Variants in ARHGAP15 observed in about 807,000 individuals in gnomAD.
ARHGAP15 encodes the protein Rho GTPase activating protein 15.
ARHGAP15 carries 51 observed loss-of-function variants against 63.7 expected under a neutral mutation model. That is an observed-to-expected ratio of 0.80 (90% confidence interval 0.64 to 1.01). The LOEUF (loss-of-function observed/expected upper bound fraction) is 1.01. Among genes scored for constraint, ARHGAP15 ranks in the 50% least tolerant of loss-of-function variants. ARHGAP15 has a pLI of 0.00. For synonymous variants in ARHGAP15, 191 were observed against 193.8 expected, an observed-to-expected ratio of 0.99 and a Z score of 0.12; for missense variants, 560 against 564.6, an observed-to-expected ratio of 0.99 and a Z score of 0.08.
intron 6 of ARHGAP15, among the ~76,000 whole-genome samples, chr2:143,373,936 T>C (rs1321525230): frequency 6.6e-6 from 1 of 152,178 alleles, no homozygotes; most frequent in Admixed American, 6.6e-5. Flanking sequence ...ACATGAAACA[T>C]CCTGTGGACC....
At chr2:143,289,251 C>G (rs1682270736) in intron 6 of ARHGAP15, among the ~76,000 whole-genome samples, 1 of 152,118 alleles carries the variant, frequency 6.6e-6, no homozygotes, top group Admixed American at 6.6e-5. Context: ...TATGACAAAC[C>G]AAATTGGAAC....
At chr2:143,462,172 T>C (rs1017031455) in intron 8 of ARHGAP15, among the ~76,000 whole-genome samples, 2 of 152,026 alleles carry the variant, frequency 1.3e-5, no homozygotes, top group East Asian at 1.9e-4. Context: ...TAAAATAAAA[T>C]AGACTTATTA....
chr2:143,623,358 C>T (rs1173912342), intron 11 of ARHGAP15, among the ~76,000 whole-genome samples: 1 of 152,184 alleles, frequency 6.6e-6, no homozygotes, highest in Admixed American at 6.5e-5. Flanking sequence ...TTCAACATCT[C>T]CACTCACTCA....
chr2:143,496,483 A>C (rs1258161865), intron 9 of ARHGAP15, among the ~76,000 whole-genome samples: 2 of 152,172 alleles, frequency 1.3e-5, no homozygotes, highest in Non-Finnish European at 2.9e-5. Flanking sequence ...TTATTTTCTT[A>C]TGGGGACAGA....
At chr2:143,302,031 T>G (rs1265803731) in intron 6 of ARHGAP15, among the ~76,000 whole-genome samples, 1 of 151,908 alleles carries the variant, frequency 6.6e-6, no homozygotes, top group Non-Finnish European at 1.5e-5. Flanking sequence ...AATAGGACAG[T>G]GTTTTGTTTT....
At chr2:143,329,904 C>T (rs1330049307) in intron 6 of ARHGAP15, among the ~76,000 whole-genome samples, 1 of 141,868 alleles carries the variant, frequency 7.0e-6, no homozygotes, top group Non-Finnish European at 1.5e-5. Context: ...AATTGCCCCC[C>T]TGCCCTCCAA....
At chr2:143,735,353 T>G (rs1166639684) in intron 13 of ARHGAP15, among the ~76,000 whole-genome samples, 1 of 152,196 alleles carries the variant, frequency 6.6e-6, no homozygotes, top group Non-Finnish European at 1.5e-5. Context: ...GACGTGACTT[T>G]GGGCGTGACT....
chr2:143,490,093 G>A (rs1002747054), intron 9 of ARHGAP15, among the ~76,000 whole-genome samples: 2 of 151,844 alleles, frequency 1.3e-5, no homozygotes, highest in African/African-American at 2.4e-5. Context: ...TCTGCCTCCT[G>A]GGTTCACGCC....
intron 2 of ARHGAP15, among the ~76,000 whole-genome samples, chr2:143,197,445 T>A (rs962266653): frequency 6.6e-6 from 1 of 151,684 alleles, no homozygotes; most frequent in Non-Finnish European, 1.5e-5. Context: ...TAGGAGAGAC[T>A]TTTTTCCCTT....
intron 9 of ARHGAP15, among the ~76,000 whole-genome samples, chr2:143,489,275 G>A (rs371578046): frequency 1.4e-4 from 22 of 152,168 alleles, no homozygotes; most frequent in Admixed American, 1.3e-3. Context: ...TTTTCATACC[G>A]AAGCAATGGA....
intron 12 of ARHGAP15, among the ~76,000 whole-genome samples, chr2:143,624,989 G>T (rs909883924): frequency 4.6e-5 from 7 of 152,046 alleles, no homozygotes; most frequent in Non-Finnish European, 1.0e-4. Context: ...TTTTCCAAAT[G>T]GAAGGGTACT....
intron 9 of ARHGAP15, among the ~76,000 whole-genome samples, chr2:143,492,688 A>G (rs1219315088): frequency 6.6e-6 from 1 of 152,162 alleles, no homozygotes; most frequent in African/African-American, 2.4e-5. Flanking sequence ...CTTGAGCCCA[A>G]GAAGTCAAGG....
chr2:143,452,508 C>A (rs1264203573), intron 8 of ARHGAP15, among the ~76,000 whole-genome samples: 2 of 151,894 alleles, frequency 1.3e-5, no homozygotes, highest in Non-Finnish European at 2.9e-5. Context: ...AATGAATGTG[C>A]TTCCCAGGAT....
At chr2:143,739,083 A>G (rs1355827979) in intron 13 of ARHGAP15, among the ~76,000 whole-genome samples, 1 of 152,142 alleles carries the variant, frequency 6.6e-6, no homozygotes, top group Non-Finnish European at 1.5e-5. Flanking sequence ...GCTGGTTTTT[A>G]AGCAGAGAAG....
At chr2:143,729,985 G>A (rs1324853912) in intron 13 of ARHGAP15, among the ~76,000 whole-genome samples, 1 of 152,066 alleles carries the variant, frequency 6.6e-6, no homozygotes, top group Admixed American at 6.6e-5. Flanking sequence ...GAGTCCTAAA[G>A]GTATTAATAG....
chr2:143,738,268 A>T (rs1392222991), intron 13 of ARHGAP15, among the ~76,000 whole-genome samples: 3 of 148,970 alleles, frequency 2.0e-5, no homozygotes. Flanking sequence ...ATTTTTTTTT[A>T]TCAGAGTAGC....
intron 9 of ARHGAP15, among the ~76,000 whole-genome samples, chr2:143,511,204 T>C (rs967042949): frequency 1.3e-5 from 2 of 152,270 alleles, no homozygotes; most frequent in Non-Finnish European, 2.9e-5. Context: ...TAAACACTAA[T>C]TCATTATGTA....
chr2:143,344,440 G>C (rs1002655001), intron 6 of ARHGAP15, among the ~76,000 whole-genome samples: 4 of 152,102 alleles, frequency 2.6e-5, no homozygotes, highest in African/African-American at 9.6e-5. Flanking sequence ...TAAAAGTTTA[G>C]GTAGCAGTAT....
chr2:143,432,569 A>T (rs927330240), intron 6 of ARHGAP15, among the ~76,000 whole-genome samples: 1 of 152,078 alleles, frequency 6.6e-6, no homozygotes, highest in African/African-American at 2.4e-5. Context: ...CCACGTGAAA[A>T]CTATTGTTGA....
Sources: gnomAD v4.1 joint callset for allele counts (sites outside exome capture counted in the v4.1 genomes callset) on GRCh38, gnomAD v4.1.1 for gene constraint, MANE v1.5 for transcripts, NCBI Gene and HGNC (gene_info 2026-07-23, HGNC 2026-07-21) for gene names.